Variants in CTNNA3 observed in about 807,000 individuals in gnomAD.
The protein encoded by CTNNA3 is catenin alpha-3.
Under a neutral mutation model 95.7 loss-of-function variants are expected in CTNNA3, and 76 were observed. The ratio of observed to expected loss-of-function variants is 0.79; its 90% CI spans 0.66 to 0.96. CTNNA3 has a LOEUF of 0.96. CTNNA3 is among the 40% of genes least tolerant of loss of function. The probability of loss-of-function intolerance (pLI) is 0.00; values close to 1 mark genes in which losing one functional copy is unlikely to be tolerated. For synonymous variants in CTNNA3, 431 were observed against 374.4 expected (o/e 1.15, Z -1.74); for missense variants, 1,191 against 1,089.8 (o/e 1.09, Z -1.31).
At chr10:67,736,703 C>T (rs190094687) in intron 1 of CTNNA3, among the ~76,000 whole-genome samples, 2,502 of 152,118 alleles carry the variant, frequency 0.016, 72 homozygotes, top group African/African-American at 0.057. Context: ...GTTCCACCCA[C>T]CTCGGCCTCC....
At chr10:67,311,124 A>C (rs2132525463) in intron 5 of CTNNA3, among the ~76,000 whole-genome samples, 1 of 152,270 alleles carries the variant, frequency 6.6e-6, no homozygotes, top group East Asian at 1.9e-4. Flanking sequence ...ATACTATTGA[A>C]ATTTGGAGGT....
chr10:67,179,494 CAAAAAAA>C (rs35292826), intron 7 of CTNNA3, among the ~76,000 whole-genome samples: 1 of 85,292 alleles, frequency 1.2e-5, no homozygotes. Flanking sequence ...GCTAAAACTT[CAAAAAAA>C]AAAAAAAAAA....
chr10:66,256,825 T>G (rs894577965), intron 13 of CTNNA3, among the ~76,000 whole-genome samples: 3 of 152,062 alleles, frequency 2.0e-5, no homozygotes, highest in Admixed American at 2.0e-4. Context: ...AACCCAGGGC[T>G]CATCCCTATG....
chr10:67,528,564 C>G (rs937605585), intron 4 of CTNNA3, among the ~76,000 whole-genome samples: 1 of 152,166 alleles, frequency 6.6e-6, no homozygotes, highest in African/African-American at 2.4e-5. Context: ...CTAGTCAACT[C>G]TCCAAACTCA....
intron 12 of CTNNA3, among the ~76,000 whole-genome samples, chr10:66,300,082 C>T (rs189204601): frequency 5.3e-5 from 8 of 151,708 alleles, no homozygotes; most frequent in Admixed American, 3.3e-4. Flanking sequence ...TTAGTAGAGA[C>T]GGGTTTTCAC....
At chr10:66,975,705 T>A (rs2132850079) in intron 7 of CTNNA3, among the ~76,000 whole-genome samples, 1 of 152,310 alleles carries the variant, frequency 6.6e-6, no homozygotes, top group Admixed American at 6.5e-5. Flanking sequence ...TCCATCAAGC[T>A]AAGTTCGTCC....
At chr10:67,184,354 C>T (rs545046795) in intron 6 of CTNNA3, among the ~76,000 whole-genome samples, 2 of 152,254 alleles carry the variant, frequency 1.3e-5, no homozygotes, top group South Asian at 4.1e-4. Context: ...AGCCATGTTC[C>T]ATCTCCTTTT....
intron 13 of CTNNA3, among the ~76,000 whole-genome samples, chr10:66,142,093 C>T (rs1017024219): frequency 1.3e-5 from 2 of 152,086 alleles, no homozygotes; most frequent in African/African-American, 4.8e-5. Context: ...AAGCTGTTTA[C>T]CTAGATTTTT....
intron 2 of CTNNA3, among the ~76,000 whole-genome samples, chr10:67,639,706 A>G (rs139704050): frequency 0.012 from 1,807 of 152,212 alleles, 17 homozygotes; most frequent in Non-Finnish European, 0.017. Flanking sequence ...TTCAACATAC[A>G]CAAATCAATA....
chr10:66,374,168 A>G (rs544401032), intron 12 of CTNNA3, among the ~76,000 whole-genome samples: 22 of 152,304 alleles, frequency 1.4e-4, no homozygotes, highest in African/African-American at 4.8e-4. Context: ...AAAAATAAAG[A>G]AAGTGTGGTG....
chr10:67,501,322 A>C (rs113022917), intron 5 of CTNNA3, among the ~76,000 whole-genome samples: 2,592 of 152,278 alleles, frequency 0.017, 77 homozygotes, highest in African/African-American at 0.057. Context: ...GGGTTTCTGC[A>C]GAGAGATCCA....
chr10:66,176,211 T>C (rs752131659), intron 13 of CTNNA3, among the ~76,000 whole-genome samples: 2 of 152,096 alleles, frequency 1.3e-5, no homozygotes, highest in Non-Finnish European at 2.9e-5. Flanking sequence ...AGTATAATTA[T>C]ACAATTAAAT....
At chr10:65,961,275 T>C (rs1413819210) in intron 17 of CTNNA3, among the ~76,000 whole-genome samples, 1 of 152,174 alleles carries the variant, frequency 6.6e-6, no homozygotes, top group Non-Finnish European at 1.5e-5. Flanking sequence ...TGTGCCACCA[T>C]ATTTTATCTG....
intron 7 of CTNNA3, among the ~76,000 whole-genome samples, chr10:66,792,607 T>C (rs1841019410): frequency 6.6e-6 from 1 of 152,116 alleles, no homozygotes; most frequent in Non-Finnish European, 1.5e-5. Context: ...TGCTTTTGGC[T>C]TTGAGTTCTG....
chr10:66,468,135 T>G (rs1838994591), intron 11 of CTNNA3, among the ~76,000 whole-genome samples: 1 of 152,064 alleles, frequency 6.6e-6, no homozygotes, highest in Non-Finnish European at 1.5e-5. Flanking sequence ...TGTTGTTGGC[T>G]GTCCGAAGGA....
chr10:66,018,445 A>AG (rs2079138020), intron 15 of CTNNA3, among the ~76,000 whole-genome samples: 1 of 152,116 alleles, frequency 6.6e-6, no homozygotes, highest in African/African-American at 2.4e-5. Context: ...TATTATTTTG[A>AG]GAAAAATAAT....
At chr10:66,819,268 G>C (rs1169514437) in intron 7 of CTNNA3, among the ~76,000 whole-genome samples, 1 of 151,948 alleles carries the variant, frequency 6.6e-6, no homozygotes, top group Non-Finnish European at 1.5e-5. Flanking sequence ...AAATGGGTCT[G>C]GGACAACTGG....
chr10:67,320,586 A>G lies in CTNNA3; in HGVS notation c.580-100716T>C, dbSNP rs963234000. 1.6e-4 allele frequency among the ~76,000 whole-genome samples: 25 copies of G among 152,204 alleles called. 1 individual carries two copies. The highest frequency in any genetic ancestry group is 6.0e-4 in the African/African-American group (25 of 41,456). ...CACAGAACTAAATTTCATGCTGGGT[A>G]CTCAAAGGGAGCATATGAGTAGGTT... On this transcript the variant is annotated intron_variant, in intron 5 of 17. Coordinates refer to ENST00000433211, the MANE Select transcript of CTNNA3 (RefSeq NM_013266.4).
chr10:67,423,443 A>G (rs1489090565), intron 5 of CTNNA3, among the ~76,000 whole-genome samples: 1 of 152,130 alleles, frequency 6.6e-6, no homozygotes. Context: ...GTTTCAAGGA[A>G]CTCGCTTTGC....
Sources: allele counts gnomAD v4.1 joint callset (sites outside exome capture counted in the v4.1 genomes callset), GRCh38; gene constraint gnomAD v4.1.1; transcripts MANE v1.5; gene names NCBI Gene and HGNC (gene_info 2026-07-23, HGNC 2026-07-21).